Variants in ZFP64 observed in about 807,000 individuals in gnomAD.
ZFP64 encodes zinc finger protein 64.
A neutral mutation model predicts 51.6 loss-of-function variants in ZFP64; 14 were observed. That is an observed-to-expected ratio of 0.27 (90% CI 0.18 to 0.42). The LOEUF (loss-of-function observed/expected upper bound fraction) is 0.42, where lower values mean the gene tolerates loss of function less well. ZFP64 is among the 10% of genes least tolerant of loss of function. The probability of loss-of-function intolerance (pLI) is 1.00; values close to 1 mark genes in which losing one functional copy is unlikely to be tolerated. For missense variants in ZFP64, 754 were observed against 906.8 expected (o/e 0.83, Z 2.16); for synonymous variants, 375 against 361.4 (o/e 1.04, Z -0.43).
intron 5 of ZFP64, among the ~76,000 whole-genome samples, chr20:52,145,126 G>A (rs1292583886): frequency 6.6e-6 from 1 of 152,134 alleles, no homozygotes; most frequent in Non-Finnish European, 1.5e-5. Flanking sequence ...TTTTAGAGTT[G>A]CATAAGAAAC....
chr20:52,099,820 A>G (rs1215933658), intron 5 of ZFP64, among the ~76,000 whole-genome samples: 1 of 152,240 alleles, frequency 6.6e-6, no homozygotes, highest in Non-Finnish European at 1.5e-5. Flanking sequence ...ATTTTTAGGA[A>G]GGTTGAACTA....
intron 5 of ZFP64, among the ~76,000 whole-genome samples, chr20:52,101,285 TC>T (rs1474288081): frequency 6.6e-6 from 1 of 152,202 alleles, no homozygotes; most frequent in Non-Finnish European, 1.5e-5. Flanking sequence ...CAGTGTAGTT[TC>T]CCAGGCCTTA....
intron 5 of ZFP64, among the ~76,000 whole-genome samples, chr20:52,129,781 C>T (rs964183222): frequency 1.3e-5 from 2 of 152,186 alleles, no homozygotes; most frequent in Admixed American, 1.3e-4. Flanking sequence ...TGTGACAACT[C>T]GCCTGTCTGC....
Position 52,100,067 on chromosome 20 carries a change from C to T in ZFP64, c.764-1480G>A, listed in dbSNP as rs139009525. Among the ~76,000 whole-genome samples the T allele has an allele frequency of 1.1e-4, 17 of 152,300 alleles. No individual in the cohort carries two copies. The East Asian group carries it at 3.1e-3, about 28-fold the overall frequency. ...GGATTGCAGTGGTGTGATCTTGGCT[C>T]ACTGCAAATTCCGCCTCCCGGGTTC... On this transcript the variant is annotated intron_variant, in intron 5 of 8. Transcript: ENST00000361387.
chr20:52,105,427 C>T lies in ZFP64; in HGVS notation c.764-6840G>A, dbSNP rs111405867. The stretch of plus-strand genomic sequence containing the variant: ...GCCTGGAGCCAAGACCCCAGGAGTC[C>T]CGCGGACTTGCGGTCCGCTCCCGGG... On this transcript the variant is annotated intron_variant, in intron 5 of 8. Transcript: ENST00000361387. 7.8e-3 allele frequency: 9,347 copies of T among 1,198,786 alleles called. 54 individuals carry two copies. Among genetic ancestry groups the T allele is most frequent in the Non-Finnish European group, 9.1e-3 (8,753 of 958,732 alleles). 74.3% of individuals were successfully genotyped at this position (1,198,786 alleles called of 1,614,324 possible).
In ZFP64 at chr20:52,092,185, A is replaced by T. The variant is rs114278988; in HGVS notation, c.977-3542T>A. ...GTGCTTAAGAAGGAAGGCTTAGCTC[A>T]AAAAGAGAGGATACCAACAGATCAG... is the stretch of plus-strand genomic sequence containing the variant. On this transcript the variant is annotated intron_variant, in intron 7 of 8. Coordinates refer to the ZFP64 transcript ENST00000361387. Among the ~76,000 whole-genome samples the T allele has an allele frequency of 3.4e-3, 524 of 152,340 alleles. 7 individuals carry two copies. Among genetic ancestry groups the T allele is most frequent in the African/African-American group, 0.011 (453 of 41,576 alleles).
intron 5 of ZFP64, chr20:52,104,708 G>A (rs558973661): frequency 2.1e-5 from 10 of 479,230 alleles, no homozygotes; most frequent in African/African-American, 9.9e-5. Context: ...TCCGCTCCTC[G>A]GTGAGGCCTT....
In ZFP64 at chr20:52,096,448, G is replaced by A. The variant is rs191014993; in HGVS notation, c.976+925C>T. 8.3e-4 allele frequency among the ~76,000 whole-genome samples: 127 copies of A among 152,370 alleles called. 1 individual carries two copies. Among genetic ancestry groups the A allele is most frequent in the Admixed American group, 2.0e-3 (31 of 15,290 alleles). ...CAGCTGTGGACTCTATGCCTCTGAA[G>A]ATGTACTCAAGAAATAAACTGGATT... On this transcript the variant is annotated intron_variant, in intron 7 of 8. Transcript: ENST00000361387.
At chr20:52,111,565 A>T (rs544109810) in intron 5 of ZFP64, among the ~76,000 whole-genome samples, 1 of 152,004 alleles carries the variant, frequency 6.6e-6, no homozygotes, top group African/African-American at 2.4e-5. Context: ...GTTCACACAG[A>T]AAGTTAATAA....
chr20:52,098,641 G>A, intron 5 of ZFP64: 3 of 1,609,100 alleles, frequency 1.9e-6, no homozygotes, highest in Non-Finnish European at 2.6e-6. Flanking sequence ...ACCATGCTAA[G>A]TCTTAGAATA....
At position 52,151,903 on chromosome 20, in the gene ZFP64, G is replaced by A. The variant is rs921278933; in HGVS notation, c.*243C>T. 3 of 1,039,000 alleles carry A rather than the reference G, an allele frequency of 2.9e-6. No homozygotes were observed. The highest frequency in any genetic ancestry group is 3.9e-6 in the Non-Finnish European group (3 of 775,218). 64.4% of individuals were successfully genotyped at this position (1,039,000 alleles called of 1,614,324 possible). A position where few individuals can be genotyped will look rare whatever the true frequency, so the allele number is the denominator to read the frequency against. Reference sequence around the variant, plus strand: ...TATACAAAAATTAGCCAGTCATGATGTCGTACACCTGTGGTCCCAGCTACT... The same window carrying A: ...TATACAAAAATTAGCCAGTCATGATATCGTACACCTGTGGTCCCAGCTACT... On this transcript the variant is annotated 3_prime_UTR_variant, in exon 6 of 6. Transcript: ENST00000216923.
intron 5 of ZFP64, among the ~76,000 whole-genome samples, chr20:52,123,876 TG>T (rs200060812): frequency 1.2e-3 from 134 of 110,140 alleles, no homozygotes; most frequent in African/African-American, 3.2e-3. Context: ...TTTTCTTTTT[TG>T]GGGGGGGGAG....
chr20:52,179,446 C>T (rs183587090), intron 2 of ZFP64, among the ~76,000 whole-genome samples: 3 of 152,182 alleles, frequency 2.0e-5, no homozygotes, highest in Admixed American at 2.0e-4. Context: ...CCCTTTCCTG[C>T]CCTCGTTCAA....
chr20:52,089,034 C>T (rs764505605), intron 7 of ZFP64: 21 of 521,118 alleles, frequency 4.0e-5, no homozygotes, highest in Admixed American at 1.7e-4. Flanking sequence ...GCAAGCAGCA[C>T]GGCATCTCCC....
At chr20:52,124,481 T>C (rs1979351608) in intron 5 of ZFP64, among the ~76,000 whole-genome samples, 2 of 152,188 alleles carry the variant, frequency 1.3e-5, no homozygotes, top group African/African-American at 4.8e-5. Context: ...GACAGACATA[T>C]GATAAAGAAA....
intron 7 of ZFP64, chr20:52,088,656 A>G: frequency 1.2e-6 from 2 of 1,613,462 alleles, no homozygotes; most frequent in African/African-American, 1.3e-5. Flanking sequence ...TCAAACACAT[A>G]AGGAGTCAAA....
At chr20:52,123,990 C>A (rs912361314) in intron 5 of ZFP64, among the ~76,000 whole-genome samples, 2 of 152,032 alleles carry the variant, frequency 1.3e-5, no homozygotes, top group African/African-American at 2.4e-5. Flanking sequence ...GTGCCTCAGC[C>A]TCCCGACTAG....
chr20:52,088,389 C>A, intron 8 of ZFP64: 1 of 1,613,806 alleles, frequency 6.2e-7, no homozygotes, highest in Non-Finnish European at 8.5e-7. Flanking sequence ...GTCAGGGACT[C>A]ACCCGTGTGA....
At chr20:52,149,211 C>T (rs906897035), downstream of ZFP64, among the ~76,000 whole-genome samples, 44 of 150,528 alleles carry the variant, frequency 2.9e-4, no homozygotes, top group African/African-American at 1.0e-3. Flanking sequence ...AAAATTAATC[C>T]GTATTTATGC....
Sources: allele counts gnomAD v4.1 joint callset (sites outside exome capture counted in the v4.1 genomes callset), GRCh38; gene constraint gnomAD v4.1.1; transcripts MANE v1.5; gene names NCBI Gene and HGNC (gene_info 2026-07-23, HGNC 2026-07-21).